Variants in HTR4 observed in about 807,000 individuals in gnomAD.
HTR4 encodes the protein 5-hydroxytryptamine receptor 4.
In HTR4, 16 loss-of-function variants were observed where a neutral mutation model predicts 36.8. The ratio of observed to expected loss-of-function variants is 0.43; its 90% CI spans 0.29 to 0.66. HTR4 has a LOEUF of 0.66. Among genes scored for constraint, HTR4 ranks in the 30% least tolerant of loss-of-function variants. HTR4 has a pLI of 0.13. For missense variants in HTR4, 438 were observed against 490.9 expected (o/e 0.89, Z 1.02); for synonymous variants, 189 against 185.1 (o/e 1.02, Z -0.17).
At chr5:148,537,538 A>G (rs1758886061) in intron 4 of HTR4, among the ~76,000 whole-genome samples, 1 of 152,142 alleles carries the variant, frequency 6.6e-6, no homozygotes, top group Non-Finnish European at 1.5e-5. Flanking sequence ...AAACACAATT[A>G]GAAATGACAA....
At chr5:148,622,749 T>C (rs1196905012) in intron 2 of HTR4, among the ~76,000 whole-genome samples, 1 of 152,230 alleles carries the variant, frequency 6.6e-6, no homozygotes, top group East Asian at 1.9e-4. Flanking sequence ...GATAACAATG[T>C]ATGTGAAAGC....
At chr5:148,507,779 A>C (rs560730611) in intron 6 of HTR4, among the ~76,000 whole-genome samples, 1 of 152,158 alleles carries the variant, frequency 6.6e-6, no homozygotes, top group Non-Finnish European at 1.5e-5. Flanking sequence ...ATCAACTGCT[A>C]AACAACTGAC....
chr5:148,495,023 G>T (rs1156876850), intron 6 of HTR4, among the ~76,000 whole-genome samples: 1 of 152,150 alleles, frequency 6.6e-6, no homozygotes, highest in Admixed American at 6.5e-5. Context: ...GAAAGTGCTT[G>T]CAAAAGTTCT....
At chr5:148,567,431 A>T (rs989610115) in intron 2 of HTR4, among the ~76,000 whole-genome samples, 3 of 152,148 alleles carry the variant, frequency 2.0e-5, no homozygotes, top group African/African-American at 7.2e-5. Context: ...ATACCTCTGA[A>T]ATCAAAGGCA....
At chr5:148,490,033 T>C (rs1282196497) in intron 6 of HTR4, among the ~76,000 whole-genome samples, 6 of 152,092 alleles carry the variant, frequency 3.9e-5, no homozygotes, top group South Asian at 2.1e-4. Context: ...TTTGCAACTC[T>C]GTCAAGGAAA....
chr5:148,508,165 A>G (rs913580895), intron 6 of HTR4, among the ~76,000 whole-genome samples: 1 of 152,174 alleles, frequency 6.6e-6, no homozygotes, highest in African/African-American at 2.4e-5. Flanking sequence ...TGCAAATGAA[A>G]ATATCCCCCA....
chr5:148,486,059 A>G (rs867168378), intron 6 of HTR4, among the ~76,000 whole-genome samples: 1 of 152,228 alleles, frequency 6.6e-6, no homozygotes, highest in Non-Finnish European at 1.5e-5. Flanking sequence ...GGTTACATCA[A>G]TATAGCTCTG....
At chr5:148,516,237 A>G (rs1757742505) in intron 5 of HTR4, among the ~76,000 whole-genome samples, 1 of 151,192 alleles carries the variant, frequency 6.6e-6, no homozygotes, top group Non-Finnish European at 1.5e-5. Flanking sequence ...TGTCAAATCT[A>G]CTATTAAATT....
At chr5:148,612,288 C>A (rs1272159857) in intron 2 of HTR4, among the ~76,000 whole-genome samples, 4 of 150,716 alleles carry the variant, frequency 2.7e-5, no homozygotes, top group South Asian at 2.1e-4. Context: ...GTAAAGCTCT[C>A]CTCAGCAAAT....
At chr5:148,556,947 T>G (rs1435464920) in intron 2 of HTR4, among the ~76,000 whole-genome samples, 1 of 152,122 alleles carries the variant, frequency 6.6e-6, no homozygotes, top group African/African-American at 2.4e-5. Flanking sequence ...CCAGGATAAG[T>G]GCATTGCATT....
intron 5 of HTR4, among the ~76,000 whole-genome samples, chr5:148,510,520 ATAT>A (rs1757449092): frequency 6.6e-6 from 1 of 152,334 alleles, no homozygotes; most frequent in Admixed American, 6.5e-5. Flanking sequence ...CCTGCAGTAC[ATAT>A]TATAAGTGCA....
chr5:148,580,610 G>A (rs1219712522), intron 2 of HTR4, among the ~76,000 whole-genome samples: 3 of 151,940 alleles, frequency 2.0e-5, no homozygotes, highest in South Asian at 4.2e-4. Flanking sequence ...CATTTAAAAC[G>A]AAACATACAA....
chr5:148,576,688 T>C (rs1012731253), intron 2 of HTR4, among the ~76,000 whole-genome samples: 1 of 152,082 alleles, frequency 6.6e-6, no homozygotes, highest in Non-Finnish European at 1.5e-5. Context: ...CATCTGATCT[T>C]TGACAAAGCT....
At chr5:148,532,206 A>G (rs191107865) in intron 4 of HTR4, among the ~76,000 whole-genome samples, 173 of 152,252 alleles carry the variant, frequency 1.1e-3, no homozygotes, top group African/African-American at 4.1e-3. Flanking sequence ...ATTGCCTTCC[A>G]CTTTGCTCAC....
At chr5:148,521,035 G>A (rs1195085790) in intron 5 of HTR4, 19 of 1,361,544 alleles carry the variant, frequency 1.4e-5, no homozygotes, top group Non-Finnish European at 1.8e-5. Flanking sequence ...TCCCTGTCTT[G>A]AGGGTCCTGT....
intron 4 of HTR4, among the ~76,000 whole-genome samples, chr5:148,540,249 T>C (rs533345921): frequency 6.1e-5 from 9 of 148,606 alleles, no homozygotes; most frequent in Admixed American, 3.4e-4. Context: ...GGGAGAGGAG[T>C]AGAAAATCAT....
intron 5 of HTR4, among the ~76,000 whole-genome samples, chr5:148,455,801 A>G (rs1369270079): frequency 1.3e-5 from 2 of 152,204 alleles, no homozygotes; most frequent in Non-Finnish European, 2.9e-5. Context: ...ATAATAAAGT[A>G]AGCTACAGAA....
At chr5:148,547,951 T>G (rs1359877121) in intron 4 of HTR4, among the ~76,000 whole-genome samples, 1 of 152,202 alleles carries the variant, frequency 6.6e-6, no homozygotes, top group Non-Finnish European at 1.5e-5. Context: ...TGACTTTAGA[T>G]TGCATTCTAC....
chr5:148,533,940 A>G (rs926336170), intron 4 of HTR4, among the ~76,000 whole-genome samples: 6 of 152,242 alleles, frequency 3.9e-5, no homozygotes, highest in African/African-American at 1.4e-4. Flanking sequence ...TTAACAAATA[A>G]TAAAAAGCCA....
Sources: gnomAD v4.1 joint callset for allele counts (sites outside exome capture counted in the v4.1 genomes callset) on GRCh38, gnomAD v4.1.1 for gene constraint, MANE v1.5 for transcripts, NCBI Gene and HGNC (gene_info 2026-07-23, HGNC 2026-07-21) for gene names.